Variants in COMP observed in about 807,000 individuals in gnomAD.
COMP encodes the protein cartilage oligomeric matrix protein (pseudoachondroplasia, epiphyseal dysplasia 1, multiple).
Under a neutral mutation model 95.8 loss-of-function variants are expected in COMP, and 79 were observed. That is an observed-to-expected ratio of 0.82 (90% CI 0.69 to 0.99). COMP has a LOEUF of 0.99. COMP is among the 50% of genes least tolerant of loss of function. The pLI is 0.00. For synonymous variants in COMP, 438 were observed against 433.9 expected (o/e 1.01, Z -0.12); for missense variants, 906 against 1,076.1 (o/e 0.84, Z 2.21).
In COMP at chr19:18,788,640, G is replaced by A. The variant is rs752960891; in HGVS notation, c.714C>T (p.His238=). Residue 238 remains histidine, a synonymous_variant, in exon 7 of 19, where the codon CAC becomes CAT. Coordinates refer to ENST00000222271, the MANE Select transcript of COMP (RefSeq NM_000095.3). This position sits in a 1 kb window ranked among gnomAD's most constrained non-coding sequence, Gnocchi z 4.7. ...GCTCTAGGACGCAGTCTGCATGCTC[G>A]TGGCACTCGCTGGGCGAGCCGTCGG... ...FCPDGSPSEC[H]EHADCVLERD... 1 of 1,547,294 alleles carries A rather than the reference G, an allele frequency of 6.5e-7. No individual in the cohort carries two copies. The highest frequency in any genetic ancestry group is 8.7e-7 in the Non-Finnish European group (1 of 1,146,586).
Position 18,788,834 on chromosome 19 carries a change from C to T in COMP, c.603+5G>A. On this transcript the variant is annotated splice_donor_5th_base_variant and intron_variant, in intron 6 of 18. Transcript: ENST00000222271. This position sits in a 1 kb window ranked among gnomAD's most constrained non-coding sequence, Gnocchi z 4.7. ...GATCCTTTCTTCCTCCCCAGCGGGC[C>T]TTACCCGGGTGTTGATGCACACGGA... The T allele has an allele frequency of 6.2e-7, 1 of 1,613,812 alleles. No individual in the cohort carries two copies. The highest frequency in any genetic ancestry group is 8.5e-7 in the Non-Finnish European group (1 of 1,179,964).
chr19:18,787,689 G>T, intron 9 of COMP, 39 bp from the exon 10 acceptor site: 1 of 1,610,216 alleles, frequency 6.2e-7, no homozygotes, highest in Non-Finnish European at 8.5e-7. Flanking sequence ...ATCAGGTCGA[G>T]AAGGCAAAGG....
In COMP at chr19:18,786,302, C is replaced by T. The variant is rs1270588903; in HGVS notation, c.1255-11G>A. ...GTGGTCCACATCCGCCTGCGGAGGG[C>T]AGCATGCGGGGGTCCATAATCAGAC... On this transcript the variant is annotated splice_polypyrimidine_tract_variant and intron_variant, in intron 11 of 18. Transcript: ENST00000222271. The T allele has an allele frequency of 6.2e-7, 1 of 1,613,778 alleles. No homozygotes were observed. The highest frequency in any genetic ancestry group is 1.3e-5 in the African/African-American group (1 of 74,942).
rs1568554878 is a variant in COMP at position 18,786,088 on chromosome 19, G to T, written c.1366C>A (p.Gln456Lys). The T allele has an allele frequency of 6.2e-7, 1 of 1,614,126 alleles. No individual in the cohort carries two copies. The highest frequency in any genetic ancestry group is 8.5e-7 in the Non-Finnish European group (1 of 1,180,044). ...TGGCCATCGTGGTCTGAGTCCTCCT[G>T]GGCACTGTTAGGCACCGTGGGACAG... ...DNCPTVPNSA[Q>K]EDSDHDGQGD... is the part of the protein sequence containing the mutation. The change falls in exon 13 of 19, where the codon CAG becomes AAG. Residue 456 changes from glutamine (Q) to lysine (K), a missense_variant. Coordinates refer to ENST00000222271, the MANE Select transcript of COMP (RefSeq NM_000095.3).
Position 18,786,099 on chromosome 19 carries a change from G to A in COMP, c.1355C>T (p.Pro452Leu), listed in dbSNP as rs779394384. 5 of 1,614,168 alleles carry A rather than the reference G, an allele frequency of 3.1e-6. No homozygotes were observed. Among genetic ancestry groups the A allele is most frequent in the Admixed American group, 1.7e-5 (1 of 60,030 alleles). The change falls in exon 13 of 19, where the codon CCT becomes CTT. Residue 452 changes from proline (P) to leucine (L), a missense_variant. Coordinates refer to ENST00000222271, the MANE Select transcript of COMP (RefSeq NM_000095.3). ...GTCTGAGTCCTCCTGGGCACTGTTA[G>A]GCACCGTGGGACAGTTGTCCCGAGA... is the stretch of plus-strand genomic sequence containing the variant. ...QDSRDNCPTV[P>L]NSAQEDSDHD...
Position 18,783,047 on chromosome 19 carries a change from G to C in COMP, c.2227+7C>G. ...CCCCGCCCACGGCCCGCTGGCCCTCGGCTCACCATTGCAGCGGTAACGCAG... is the reference window on the plus strand; with the variant it reads ...CCCCGCCCACGGCCCGCTGGCCCTCCGCTCACCATTGCAGCGGTAACGCAG... On this transcript the variant is annotated splice_region_variant and intron_variant, in intron 18 of 18. Transcript: ENST00000222271. 1.9e-6 allele frequency: 3 copies of C among 1,612,174 alleles called. No individual in the cohort carries two copies. The highest frequency in any genetic ancestry group is 2.2e-5 in the South Asian group (2 of 91,084).
chr19:18,787,864 C>CTTTTTCTTTTTCTTTTTCTTTT (rs56093208), intron 9 of COMP, among the ~76,000 whole-genome samples: 2 of 108,832 alleles, frequency 1.8e-5, no homozygotes, highest in South Asian at 6.5e-4. Flanking sequence ...TTTTCTTTTT[C>CTTTTTCTTTTTCTTTTTCTTTT]TCTTTCTTTC....
Position 18,784,469 on chromosome 19 carries a change from G to T in COMP, c.1915-106C>A. ...GGAGCAGCAGGTGGTGGGCGGCCAG[G>T]GGGATCCGGATGAGAGACCCACAAG... On this transcript the variant is annotated intron_variant, in intron 16 of 18. Transcript: ENST00000222271. This position sits in a 1 kb window ranked among gnomAD's most constrained non-coding sequence, Gnocchi z 4.9. 7.3e-7 allele frequency: 1 copy of T among 1,364,204 alleles called. No homozygotes were observed. The highest frequency in any genetic ancestry group is 2.4e-5 in the East Asian group (1 of 41,448). The allele number at this position is 1,364,204 out of a possible 1,614,324, so 84.5% of individuals were successfully genotyped here.
rs764453641 is a variant in COMP, at chr19:18,790,783, T to C, written c.165+67A>G. The stretch of plus-strand genomic sequence containing the variant: ...TCCACCTTCTCGGGTACTTCCTCTC[T>C]CCTCGCTGGGAACTGAGACCCCCTT... On this transcript the variant is annotated intron_variant, in intron 2 of 18. Transcript: ENST00000222271. 31 of 1,576,230 alleles carry C rather than the reference T, an allele frequency of 2.0e-5. No individual in the cohort carries two copies. The Admixed American group carries it at 3.5e-4, about 18-fold the overall frequency.
rs753140343 is a variant in COMP, at chr19:18,789,940, A to G, written c.390+2T>C. 1 of 1,589,150 alleles carries G rather than the reference A, an allele frequency of 6.3e-7. No individual in the cohort carries two copies. Among genetic ancestry groups the G allele is most frequent in the Non-Finnish European group, 8.5e-7 (1 of 1,176,408 alleles). ...GGCGGTGGAGTGTCGGGGCTAGCGC[A>G]CCTCGTTGACGTCGGTGCAGTGCGA... On this transcript the variant is annotated splice_donor_variant, in intron 4 of 18. Coordinates refer to ENST00000222271, the MANE Select transcript of COMP (RefSeq NM_000095.3). LOFTEE classifies it high-confidence loss of function. The surrounding 1 kb of genome is among the most constrained non-coding windows in gnomAD (Gnocchi z 6.1).
In COMP at chr19:18,788,531, G is replaced by A; in HGVS notation, c.763-17C>T. 6.3e-7 allele frequency: 1 copy of A among 1,581,062 alleles called. No homozygotes were observed. Among genetic ancestry groups the A allele is most frequent in the Non-Finnish European group, 8.6e-7 (1 of 1,163,884 alleles). On this transcript the variant is annotated splice_polypyrimidine_tract_variant and intron_variant, in intron 7 of 18. Transcript: ENST00000222271. This position sits in a 1 kb window ranked among gnomAD's most constrained non-coding sequence, Gnocchi z 4.7. Reference sequence around the variant, plus strand: ...AACGGCACACTGTGGGAGAGTGTAAGTGGGTGCCCTGGAGTGGCCGCCACC... The same window carrying A: ...AACGGCACACTGTGGGAGAGTGTAAATGGGTGCCCTGGAGTGGCCGCCACC...
intron 17 of COMP, among the ~76,000 whole-genome samples, chr19:18,783,899 T>C (rs972291609): frequency 1.2e-4 from 18 of 152,272 alleles, no homozygotes; most frequent in Admixed American, 1.0e-3. Context: ...CATGAGCCAC[T>C]GCGCCTGGCC....
chr19:18,791,288 G>C lies in COMP; in HGVS notation c.-19C>G, dbSNP rs1306253557. The C allele has an allele frequency of 1.3e-6, 2 of 1,580,684 alleles. No individual in the cohort carries two copies. Among genetic ancestry groups the C allele is most frequent in the African/African-American group, 2.7e-5 (2 of 74,656 alleles). ...GGACCATGGCGGTGGCGGGGAGCTGGGTGGCTGCTCGCTTTCTACCGCCCA... is the reference window on the plus strand; with the variant it reads ...GGACCATGGCGGTGGCGGGGAGCTGCGTGGCTGCTCGCTTTCTACCGCCCA... On this transcript the variant is annotated 5_prime_UTR_variant, in exon 1 of 19. Coordinates refer to ENST00000222271, the MANE Select transcript of COMP (RefSeq NM_000095.3).
At chr19:18,790,973 CG>C in intron 1 of COMP, 38 bp from the exon 2 acceptor site, 1 of 1,546,332 alleles carries the variant, frequency 6.5e-7, no homozygotes, top group Non-Finnish European at 8.7e-7. Context: ...GTCATGGGGC[CG>C]GGGAATCCCA....
intron 11 of COMP, 41 bp from the exon 12 acceptor site, chr19:18,786,332 G>A: frequency 2.5e-6 from 4 of 1,613,056 alleles, no homozygotes; most frequent in Non-Finnish European, 3.4e-6. Flanking sequence ...TCAGACAGAG[G>A]AAATCAGAAA....
Position 18,788,943 on chromosome 19 carries a change from C to A in COMP, c.529-30G>T. Reference sequence around the variant, plus strand: ...GGGAGGGGAACTCAGAGGTCACCACCCCACGCAGACACCTCCGGACCTCCC... The same window carrying A: ...GGGAGGGGAACTCAGAGGTCACCACACCACGCAGACACCTCCGGACCTCCC... On this transcript the variant is annotated intron_variant, in intron 5 of 18. Coordinates refer to ENST00000222271, the MANE Select transcript of COMP (RefSeq NM_000095.3). This position sits in a 1 kb window ranked among gnomAD's most constrained non-coding sequence, Gnocchi z 4.7. 1.9e-6 allele frequency: 3 copies of A among 1,609,560 alleles called. No homozygotes were observed. The highest frequency in any genetic ancestry group is 2.2e-5 in the South Asian group (2 of 90,502).
chr19:18,790,214 C>T (rs1329050125), intron 3 of COMP, 100 bp from the exon 4 acceptor site: 2 of 850,508 alleles, frequency 2.4e-6, no homozygotes, highest in East Asian at 2.9e-5. Flanking sequence ...CTTCCCCTTC[C>T]CCCCCACCCC....
rs867031082 is a variant in COMP, at chr19:18,782,839, C to T, written c.*76G>A. 9.1e-6 allele frequency: 14 copies of T among 1,545,744 alleles called. No homozygotes were observed. Among genetic ancestry groups the T allele is most frequent in the Middle Eastern group, 2.3e-4 (1 of 4,372 alleles). Reference sequence around the variant, plus strand: ...TCACTTCCCCCTCAGGACGGCCACCCCTTGGGGCTGGGTGCAGAGCCCCCA... The same window carrying T: ...TCACTTCCCCCTCAGGACGGCCACCTCTTGGGGCTGGGTGCAGAGCCCCCA... On this transcript the variant is annotated 3_prime_UTR_variant, in exon 19 of 19. Coordinates refer to ENST00000222271, the MANE Select transcript of COMP (RefSeq NM_000095.3).
intron 15 of COMP, among the ~76,000 whole-genome samples, 177 bp downstream of exon 15, chr19:18,785,321 C>CCCG (rs929885502): frequency 6.6e-6 from 1 of 151,434 alleles, no homozygotes; most frequent in Admixed American, 6.6e-5. Flanking sequence ...CTCCTCTGGC[C>CCCG]CCGCGCCTTC....
Sources: gnomAD v4.1 joint callset for allele counts (sites outside exome capture counted in the v4.1 genomes callset) on GRCh38, gnomAD v4.1.1 for gene constraint, Gnocchi (gnomAD v3.1) non-coding constraint, MANE v1.5 for transcripts, NCBI Gene and HGNC (gene_info 2026-07-23, HGNC 2026-07-21) for gene names.